GPATCH2: variants seen among roughly 807,000 people sequenced by gnomAD.
The protein encoded by GPATCH2 is G patch domain-containing protein 2.
A neutral mutation model predicts 58.0 loss-of-function variants in GPATCH2; 51 were observed. The observed-to-expected ratio is 0.88, with a 90% CI of 0.70 to 1.11. GPATCH2 has a LOEUF of 1.11. GPATCH2 is among the 50% of genes most tolerant of loss of function. The probability of loss-of-function intolerance (pLI) is 0.00; values close to 1 mark genes in which losing one functional copy is unlikely to be tolerated. For missense variants in GPATCH2, 625 were observed against 652.2 expected (o/e 0.96, Z 0.45); for synonymous variants, 222 against 218.5 (o/e 1.02, Z -0.14).
intron 8 of GPATCH2, among the ~76,000 whole-genome samples, chr1:217,474,405 T>C (rs1389908719): frequency 1.3e-5 from 2 of 152,142 alleles, no homozygotes; most frequent in African/African-American, 2.4e-5. Context: ...CATAATTAAG[T>C]TAAAGAGCCT....
At chr1:217,462,067 A>G (rs1660223243) in intron 8 of GPATCH2, among the ~76,000 whole-genome samples, 1 of 152,160 alleles carries the variant, frequency 6.6e-6, no homozygotes, top group Non-Finnish European at 1.5e-5. Flanking sequence ...AAAGTTGGGG[A>G]GCATTAACTT....
chr1:217,573,747 C>G (rs1571944784), intron 5 of GPATCH2, among the ~76,000 whole-genome samples: 1 of 152,164 alleles, frequency 6.6e-6, no homozygotes, highest in Non-Finnish European at 1.5e-5. Flanking sequence ...ATGTTTTGAA[C>G]ACTGGTTAAT....
chr1:217,563,818 G>A (rs1198529098), intron 5 of GPATCH2, among the ~76,000 whole-genome samples: 1 of 152,098 alleles, frequency 6.6e-6, no homozygotes, highest in African/African-American at 2.4e-5. Context: ...GCCAAGGCGG[G>A]TGGATCACCT....
rs1312778389 is a variant in GPATCH2 at position 217,518,225 on chromosome 1, T to C, written c.1099-3336A>G. On this transcript the variant is annotated intron_variant, in intron 5 of 9. Transcript: ENST00000366935. ...ATCACATGGATCTTAGATTTTGCTGTTGTTTAAATATTATCAGTCTCAGGA... is the reference window on the plus strand; with the variant it reads ...ATCACATGGATCTTAGATTTTGCTGCTGTTTAAATATTATCAGTCTCAGGA... Among the ~76,000 whole-genome samples, 9 of 152,282 alleles carry C rather than the reference T, an allele frequency of 5.9e-5. No individual in the cohort carries two copies. The East Asian group carries it at 1.5e-3, about 26-fold the overall frequency.
chr1:217,549,988 T>TGG (rs1665267630), intron 5 of GPATCH2, among the ~76,000 whole-genome samples: 2 of 152,178 alleles, frequency 1.3e-5, no homozygotes, highest in Non-Finnish European at 2.9e-5. Flanking sequence ...ACGGGAGAAC[T>TGG]CTGTAAGGAA....
intron 8 of GPATCH2, among the ~76,000 whole-genome samples, chr1:217,453,730 AAACCTGGCT>A (rs1480796892): frequency 6.6e-6 from 1 of 152,196 alleles, no homozygotes; most frequent in Non-Finnish European, 1.5e-5. Flanking sequence ...CCTTGCCTGA[AAACCTGGCT>A]TTTGACACGG....
chr1:217,507,451 C>T (rs141502414), intron 6 of GPATCH2, among the ~76,000 whole-genome samples: 80 of 152,188 alleles, frequency 5.3e-4, no homozygotes, highest in African/African-American at 1.9e-3. Flanking sequence ...ATCAGAAAGA[C>T]CTAAGCTTGG....
intron 9 of GPATCH2, among the ~76,000 whole-genome samples, chr1:217,433,534 T>G (rs1253667293): frequency 1.3e-5 from 2 of 151,774 alleles, no homozygotes; most frequent in Admixed American, 6.6e-5. Flanking sequence ...GTACCTGGGA[T>G]TACAGGTGTG....
At chr1:217,523,922 C>A (rs1485359361) in intron 5 of GPATCH2, among the ~76,000 whole-genome samples, 2 of 110,748 alleles carry the variant, frequency 1.8e-5, no homozygotes, top group Non-Finnish European at 4.3e-5. Flanking sequence ...ACCTCCCTCC[C>A]GGACGGGGCA....
At chr1:217,609,090 G>T in intron 5 of GPATCH2, 1 of 804,932 alleles carries the variant, frequency 1.2e-6, no homozygotes, top group Non-Finnish European at 1.5e-6. Flanking sequence ...AAATCACATT[G>T]TTTTTCATTA....
chr1:217,611,015 T>C lies in GPATCH2; in HGVS notation c.892A>G (p.Ile298Val), dbSNP rs1213403922. 6 of 1,613,706 alleles carry C rather than the reference T, an allele frequency of 3.7e-6. No individual in the cohort carries two copies. The highest frequency in any genetic ancestry group is 5.1e-6 in the Non-Finnish European group (6 of 1,179,800). The change falls in exon 4 of 10, where the codon ATC (isoleucine) becomes GTC (valine). Residue 298 changes from isoleucine (I) to valine (V), a missense_variant. Coordinates refer to ENST00000366935, the MANE Select transcript of GPATCH2 (RefSeq NM_018040.5). ...YEKESGGACGITGVVPWWEKE... is the reference protein window; with the variant it reads ...YEKESGGACGVTGVVPWWEKE... ...TCCCACCAGGGCACAACTCCAGTGA[T>C]ACCACATGCTCCACCTGATTCCTTT...
intron 5 of GPATCH2, among the ~76,000 whole-genome samples, chr1:217,592,008 C>CA (rs34896010): frequency 2.0e-5 from 3 of 151,568 alleles, no homozygotes; most frequent in African/African-American, 7.3e-5. Context: ...CTTCGTATAT[C>CA]AAAAAAAATG....
chr1:217,448,118 T>C (rs969739390), intron 9 of GPATCH2, among the ~76,000 whole-genome samples: 18 of 142,230 alleles, frequency 1.3e-4, no homozygotes, highest in East Asian at 2.0e-4. Flanking sequence ...AAAAAAAAAA[T>C]AGAGAATGTA....
chr1:217,534,651 C>A (rs78983048), intron 5 of GPATCH2, among the ~76,000 whole-genome samples: 1 of 152,032 alleles, frequency 6.6e-6, no homozygotes, highest in Non-Finnish European at 1.5e-5. Context: ...CACTCACCAC[C>A]ACCCGGATTA....
At chr1:217,521,511 C>T (rs866283251) in intron 5 of GPATCH2, among the ~76,000 whole-genome samples, 1 of 151,846 alleles carries the variant, frequency 6.6e-6, no homozygotes, top group Non-Finnish European at 1.5e-5. Flanking sequence ...GGGTAGCATG[C>T]GGGCTATTTT....
chr1:217,503,245 AG>A (rs1662390222), intron 6 of GPATCH2, among the ~76,000 whole-genome samples: 1 of 152,124 alleles, frequency 6.6e-6, no homozygotes, highest in African/African-American at 2.4e-5. Flanking sequence ...ACACAACTGG[AG>A]GGGCCACTGG....
chr1:217,515,159 G>T (rs1443560662), intron 5 of GPATCH2, among the ~76,000 whole-genome samples: 5 of 150,906 alleles, frequency 3.3e-5, no homozygotes, highest in African/African-American at 1.2e-4. Flanking sequence ...GCAGCAGCGC[G>T]ATCTCGGCTC....
At chr1:217,457,255 T>C (rs532300374) in intron 8 of GPATCH2, among the ~76,000 whole-genome samples, 2 of 152,328 alleles carry the variant, frequency 1.3e-5, no homozygotes, top group African/African-American at 2.4e-5. Flanking sequence ...TAACACCATG[T>C]CTGCTTTCTC....
intron 5 of GPATCH2, among the ~76,000 whole-genome samples, chr1:217,541,438 C>A (rs1374801990): frequency 6.6e-6 from 1 of 152,090 alleles, no homozygotes; most frequent in African/African-American, 2.4e-5. Context: ...TCTCCCCCTG[C>A]AGTTTCATAT....
Sources: allele counts gnomAD v4.1 joint callset (sites outside exome capture counted in the v4.1 genomes callset), GRCh38; gene constraint gnomAD v4.1.1; transcripts MANE v1.5; gene names NCBI Gene and HGNC (gene_info 2026-07-23, HGNC 2026-07-21).